The following DPYD variants were observed in gnomAD, a reference collection of about 807,000 sequenced individuals.
DPYD encodes the protein dihydropyrimidine dehydrogenase.
A neutral mutation model predicts 116.2 loss-of-function variants in DPYD; 109 were observed. The ratio of observed to expected loss-of-function variants is 0.94; its 90% CI spans 0.80 to 1.10. DPYD has a LOEUF of 1.10. Among genes scored for constraint, DPYD ranks in the 50% least tolerant of loss-of-function variants. The pLI, the probability that DPYD is intolerant of heterozygous loss-of-function variation, is 0.00. For missense variants in DPYD, 1,302 were observed against 1,254.5 expected (o/e 1.04, Z -0.57); for synonymous variants, 440 against 432.0 (o/e 1.02, Z -0.23).
rs189101310 is a variant in DPYD, at chr1:97,546,957, T to C, written c.1524+2603A>G. The C allele has an allele frequency of 2.0e-4, 328 of 1,606,928 alleles. 4 individuals are homozygous for C. In the East Asian group the frequency reaches 5.3e-3, roughly 26 times the overall value. On this transcript the variant is annotated intron_variant, in intron 12 of 22. Coordinates refer to ENST00000370192, the MANE Select transcript of DPYD (RefSeq NM_000110.4). The stretch of plus-strand genomic sequence containing the variant: ...AAGAAGAGGAGGAAGAGGAAGATGA[T>C]GACTAAGCAGTACTCTGAATGGACC...
At chr1:97,453,592 CA>C (rs1296465551) in intron 13 of DPYD, among the ~76,000 whole-genome samples, 2 of 152,012 alleles carry the variant, frequency 1.3e-5, no homozygotes, top group African/African-American at 4.8e-5. Context: ...TCACATTAGC[CA>C]AAAGGATCAA....
At chr1:97,347,716 T>C (rs1669930352) in intron 16 of DPYD, among the ~76,000 whole-genome samples, 1 of 152,110 alleles carries the variant, frequency 6.6e-6, no homozygotes, top group Non-Finnish European at 1.5e-5. Context: ...GTATTTATCA[T>C]GTACAACATG....
intron 14 of DPYD, among the ~76,000 whole-genome samples, chr1:97,438,097 A>G (rs1432491489): frequency 4.6e-5 from 7 of 152,028 alleles, no homozygotes; most frequent in African/African-American, 1.7e-4. Flanking sequence ...CTATTTGCCT[A>G]TCTTTATGCC....
intron 16 of DPYD, among the ~76,000 whole-genome samples, chr1:97,347,127 C>T (rs1669897633): frequency 6.6e-6 from 1 of 151,652 alleles, no homozygotes; most frequent in Non-Finnish European, 1.5e-5. Flanking sequence ...TCAAGCCTTA[C>T]TGTATTGGCA....
chr1:97,106,373 A>G (rs955061651), intron 20 of DPYD, among the ~76,000 whole-genome samples: 5 of 152,180 alleles, frequency 3.3e-5, no homozygotes, highest in Non-Finnish European at 5.9e-5. Context: ...AGCAGTTAGC[A>G]TTTGGATCAG....
chr1:97,116,919 T>C (rs6421757), intron 20 of DPYD, among the ~76,000 whole-genome samples: 127,377 of 150,478 alleles, frequency 0.85, 53,988 homozygotes, highest in East Asian at 0.99. Flanking sequence ...GAGGCCGAGG[T>C]GGGTGGATCA....
At chr1:97,662,062 C>T (rs1659296538) in intron 8 of DPYD, among the ~76,000 whole-genome samples, 1 of 147,756 alleles carries the variant, frequency 6.8e-6, no homozygotes, top group South Asian at 2.2e-4. Context: ...TGGCATGATC[C>T]CGGCTCCAGC....
intron 19 of DPYD, among the ~76,000 whole-genome samples, chr1:97,214,224 G>A (rs1660227559): frequency 6.6e-6 from 1 of 152,070 alleles, no homozygotes; most frequent in Admixed American, 6.6e-5. Context: ...TCCTGGGAGT[G>A]ACTTGATTTA....
intron 16 of DPYD, chr1:97,308,354 G>A (rs1667288698): frequency 6.6e-6 from 1 of 151,470 alleles, no homozygotes; most frequent in African/African-American, 2.4e-5. Context: ...TAAAGTTGAC[G>A]GTGTTCACAT....
chr1:97,161,160 A>G (rs760422758), intron 20 of DPYD, among the ~76,000 whole-genome samples: 7 of 152,296 alleles, frequency 4.6e-5, no homozygotes, highest in Non-Finnish European at 5.9e-5. Flanking sequence ...AAATCGGCCA[A>G]ACAACTTCTG....
chr1:97,108,619 T>C (rs967336395), intron 20 of DPYD, among the ~76,000 whole-genome samples: 1 of 152,140 alleles, frequency 6.6e-6, no homozygotes, highest in African/African-American at 2.4e-5. Context: ...ACTAAAGATA[T>C]TGTAGCTATT....
At chr1:97,152,154 T>C (rs1358257753) in intron 20 of DPYD, among the ~76,000 whole-genome samples, 1 of 152,212 alleles carries the variant, frequency 6.6e-6, no homozygotes, top group Non-Finnish European at 1.5e-5. Context: ...GCTACCTTTG[T>C]AAAGCATTTA....
intron 16 of DPYD, among the ~76,000 whole-genome samples, chr1:97,309,331 T>TTGTGTGTGTG (rs59669909): frequency 4.3e-4 from 63 of 147,558 alleles, no homozygotes; most frequent in African/African-American, 5.3e-4. Context: ...GTTGCTTGTC[T>TTGTGTGTGTG]TGTGTGTGTG....
At chr1:97,596,608 T>C (rs1037349425) in intron 8 of DPYD, among the ~76,000 whole-genome samples, 2 of 152,204 alleles carry the variant, frequency 1.3e-5, no homozygotes, top group Admixed American at 1.3e-4. Context: ...CAGGAGTTTA[T>C]TTTACAATGA....
intron 3 of DPYD, among the ~76,000 whole-genome samples, chr1:97,807,331 T>G (rs1668123282): frequency 6.6e-6 from 1 of 152,074 alleles, no homozygotes; most frequent in Non-Finnish European, 1.5e-5. Flanking sequence ...TTTGGTTGTG[T>G]CAGTGTTCTG....
intron 8 of DPYD, among the ~76,000 whole-genome samples, chr1:97,617,264 C>G (rs1165731526): frequency 1.3e-5 from 2 of 152,116 alleles, no homozygotes; most frequent in Admixed American, 1.3e-4. Flanking sequence ...AACCACAAGA[C>G]TGTTCTAAAA....
At chr1:97,693,095 C>T (rs1344661906) in intron 6 of DPYD, among the ~76,000 whole-genome samples, 1 of 151,740 alleles carries the variant, frequency 6.6e-6, no homozygotes, top group East Asian at 1.9e-4. Context: ...TCAAGACCAT[C>T]CTGGCTAACA....
intron 1 of DPYD, among the ~76,000 whole-genome samples, chr1:97,890,919 A>T (rs1672742717): frequency 6.6e-6 from 1 of 151,986 alleles, no homozygotes; most frequent in Admixed American, 6.6e-5. Flanking sequence ...CACATAGCAT[A>T]AGTAGAAAGC....
rs116661021 is a variant in DPYD at position 97,608,885 on chromosome 1, T to C, written c.851-13719A>G. Among the ~76,000 whole-genome samples, 356 of 151,988 alleles carry C rather than the reference T, an allele frequency of 2.3e-3. 1 individual carries two copies. Among genetic ancestry groups the C allele is most frequent in the Non-Finnish European group, 3.5e-3 (238 of 67,862 alleles). On this transcript the variant is annotated intron_variant, in intron 8 of 22. Coordinates refer to ENST00000370192, the MANE Select transcript of DPYD (RefSeq NM_000110.4). ...TGGTGGATTAATTAGGGAGATCAAATAGAAATTCTCAGTTGCTGTTTAGAA... is the reference window on the plus strand; with the variant it reads ...TGGTGGATTAATTAGGGAGATCAAACAGAAATTCTCAGTTGCTGTTTAGAA...
Sources: gnomAD v4.1 joint callset for allele counts (sites outside exome capture counted in the v4.1 genomes callset) on GRCh38, gnomAD v4.1.1 for gene constraint, MANE v1.5 for transcripts, NCBI Gene and HGNC (gene_info 2026-07-23, HGNC 2026-07-21) for gene names.